LHFPL2: variants seen among roughly 807,000 people sequenced by gnomAD.
LHFPL2 encodes the protein LHFPL tetraspan subfamily member 2.
A neutral mutation model predicts 17.5 loss-of-function variants in LHFPL2; 7 were observed. That is an observed-to-expected ratio of 0.40 (90% CI 0.23 to 0.75). LHFPL2 has a LOEUF of 0.75. Among genes scored for constraint, LHFPL2 ranks in the 30% least tolerant of loss-of-function variants. The pLI, the probability that LHFPL2 is intolerant of heterozygous loss-of-function variation, is 0.37. For missense variants in LHFPL2, 241 were observed against 294.8 expected (o/e 0.82, Z 1.34); for synonymous variants, 134 against 116.2 (o/e 1.15, Z -0.99).
intron 3 of LHFPL2, among the ~76,000 whole-genome samples, chr5:78,515,334 T>C (rs547140427): frequency 6.6e-6 from 1 of 152,224 alleles, no homozygotes; most frequent in South Asian, 2.1e-4. Context: ...TCCTACAAAA[T>C]ACTTGACAAT....
intron 1 of LHFPL2, among the ~76,000 whole-genome samples, chr5:78,646,385 TCATC>T (rs1745879867): frequency 6.6e-6 from 1 of 152,230 alleles, no homozygotes; most frequent in Non-Finnish European, 1.5e-5. Flanking sequence ...TACCTGATAA[TCATC>T]AGTAACACTT....
At chr5:78,501,745 T>A (rs574339407) in intron 4 of LHFPL2, among the ~76,000 whole-genome samples, 4 of 152,198 alleles carry the variant, frequency 2.6e-5, no homozygotes, top group African/African-American at 9.6e-5. Flanking sequence ...GTTTCAAGAG[T>A]TCGTGGACAA....
intron 2 of LHFPL2, among the ~76,000 whole-genome samples, chr5:78,607,006 T>G (rs758354012): frequency 2.0e-5 from 3 of 152,176 alleles, no homozygotes; most frequent in Non-Finnish European, 2.9e-5. Flanking sequence ...CCTGGCATTC[T>G]GATTTGCCTT....
intron 3 of LHFPL2, among the ~76,000 whole-genome samples, chr5:78,562,066 A>G (rs1476400387): frequency 2.6e-5 from 4 of 152,144 alleles, no homozygotes; most frequent in African/African-American, 4.8e-5. Context: ...TGGCAGAGCA[A>G]CCCCTCAGAC....
chr5:78,503,647 A>C (rs2112310115), intron 4 of LHFPL2, among the ~76,000 whole-genome samples: 1 of 152,266 alleles, frequency 6.6e-6, no homozygotes, highest in South Asian at 2.1e-4. Flanking sequence ...GCAGTGAGCC[A>C]AAATCGAGCC....
intron 2 of LHFPL2, among the ~76,000 whole-genome samples, chr5:78,586,518 C>T (rs528676292): frequency 2.0e-5 from 3 of 152,298 alleles, no homozygotes; most frequent in South Asian, 2.1e-4. Context: ...TTCTTATCCT[C>T]GGCTTCCTCT....
chr5:78,619,772 T>G (rs1744772581), intron 2 of LHFPL2, among the ~76,000 whole-genome samples: 1 of 135,128 alleles, frequency 7.4e-6, no homozygotes, highest in Non-Finnish European at 1.6e-5. Context: ...TTTTTGTCCT[T>G]GCAATAGTTT....
chr5:78,577,917 C>T (rs866981084), intron 2 of LHFPL2, among the ~76,000 whole-genome samples: 11 of 151,934 alleles, frequency 7.2e-5, no homozygotes, highest in Non-Finnish European at 1.3e-4. Flanking sequence ...GAGATTTTTG[C>T]CCTTGGCCTC....
At chr5:78,537,117 GA>G (rs1194008195) in intron 3 of LHFPL2, among the ~76,000 whole-genome samples, 10 of 152,182 alleles carry the variant, frequency 6.6e-5, no homozygotes, top group Non-Finnish European at 7.3e-5. Context: ...TAAAGTTTAA[GA>G]AGCGCTGCTC....
intron 2 of LHFPL2, among the ~76,000 whole-genome samples, chr5:78,572,456 ATG>A (rs1757022261): frequency 7.1e-6 from 1 of 141,646 alleles, no homozygotes; most frequent in South Asian, 2.1e-4. Flanking sequence ...ATATATATGT[ATG>A]TGTATATACA....
chr5:78,519,726 T>A (rs529895050), intron 3 of LHFPL2, among the ~76,000 whole-genome samples: 1 of 152,366 alleles, frequency 6.6e-6, no homozygotes, highest in African/African-American at 2.4e-5. Context: ...ACTCCATCCA[T>A]GTGGACTATG....
intron 3 of LHFPL2, among the ~76,000 whole-genome samples, chr5:78,555,460 G>A (rs1580803630): frequency 6.6e-6 from 1 of 152,190 alleles, no homozygotes; most frequent in African/African-American, 2.4e-5. Flanking sequence ...GTGAAGCCTG[G>A]ACTAAGAAAG....
At chr5:78,559,598 A>G (rs1261434765) in intron 3 of LHFPL2, among the ~76,000 whole-genome samples, 4 of 152,230 alleles carry the variant, frequency 2.6e-5, no homozygotes, top group African/African-American at 9.6e-5. Context: ...ACTGCATTTA[A>G]TTACTCTGAT....
chr5:78,524,560 G>T (rs1289958177), intron 3 of LHFPL2, among the ~76,000 whole-genome samples: 1 of 152,016 alleles, frequency 6.6e-6, no homozygotes, highest in Non-Finnish European at 1.5e-5. Flanking sequence ...TGGACAAAAT[G>T]GTGAAACCCC....
At chr5:78,647,164 T>C (rs946818569) in intron 1 of LHFPL2, among the ~76,000 whole-genome samples, 3 of 152,208 alleles carry the variant, frequency 2.0e-5, no homozygotes, top group Non-Finnish European at 4.4e-5. Context: ...CAAAAAGAAA[T>C]GAGACTCTTG....
At chr5:78,550,786 G>C (rs996817435) in intron 3 of LHFPL2, among the ~76,000 whole-genome samples, 1 of 152,102 alleles carries the variant, frequency 6.6e-6, no homozygotes, top group Admixed American at 6.5e-5. Context: ...GGCCAGGCTG[G>C]TCTGGAACTC....
intron 3 of LHFPL2, among the ~76,000 whole-genome samples, chr5:78,552,521 C>T (rs1204079279): frequency 2.0e-5 from 3 of 152,206 alleles, no homozygotes; most frequent in African/African-American, 2.4e-5. Flanking sequence ...AGCTGCTTAA[C>T]GTAATAAGGG....
chr5:78,510,258 A>G lies in LHFPL2; in HGVS notation c.-45T>C. The G allele has an allele frequency of 2.0e-6, 3 of 1,515,770 alleles. No homozygotes were observed. Among genetic ancestry groups the G allele is most frequent in the Non-Finnish European group, 2.7e-6 (3 of 1,128,546 alleles). The allele number at this position is 1,515,770 out of a possible 1,614,324, so 93.9% of individuals were successfully genotyped here. ...AAAGAGTCAGGAGTCCACGGAGTTA[A>G]TCAAAACAAGAAAGTCGGTGGGGAA... is the stretch of plus-strand genomic sequence containing the variant. On this transcript the variant is annotated 5_prime_UTR_variant, in exon 4 of 5. Coordinates refer to ENST00000380345, the MANE Select transcript of LHFPL2 (RefSeq NM_005779.3).
intron 3 of LHFPL2, among the ~76,000 whole-genome samples, chr5:78,561,584 G>A (rs558854013): frequency 3.3e-5 from 5 of 152,154 alleles, no homozygotes; most frequent in East Asian, 1.9e-4. Flanking sequence ...ATGATAAAAC[G>A]CAGCTCAACA....
Sources: gnomAD v4.1 joint callset for allele counts (sites outside exome capture counted in the v4.1 genomes callset) on GRCh38, gnomAD v4.1.1 for gene constraint, MANE v1.5 for transcripts, NCBI Gene and HGNC (gene_info 2026-07-23, HGNC 2026-07-21) for gene names.